The following FOXP2 variants were observed in gnomAD, a reference collection of about 807,000 sequenced individuals.
The protein encoded by FOXP2 is forkhead box P2.
FOXP2 carries 12 observed loss-of-function variants against 115.8 expected under a neutral mutation model. That is an observed-to-expected ratio of 0.10 (90% CI 0.07 to 0.17). The LOEUF is 0.17. FOXP2 is among the 10% of genes least tolerant of loss of function. The pLI is 1.00. For missense variants in FOXP2, 629 were observed against 843.5 expected, an observed-to-expected ratio of 0.75 and a Z score of 3.15; for synonymous variants, 328 against 297.7, an observed-to-expected ratio of 1.10 and a Z score of -1.05.
chr7:114,636,624 CTT>C lies in FOXP2; in HGVS notation c.775+4933_775+4934del, dbSNP rs34522461. Among the ~76,000 whole-genome samples the C allele has an allele frequency of 3.3e-3, 465 of 140,372 alleles. 1 individual carries two copies. The highest frequency in any genetic ancestry group is 6.6e-3 in the East Asian group (32 of 4,874). 92.1% of individuals were successfully genotyped at this position (140,372 alleles called of 152,430 possible). A position where few individuals can be genotyped will look rare whatever the true frequency, so the allele number is the denominator to read the frequency against. The stretch of plus-strand genomic sequence containing the variant: ...GAAAAAGAAATGACATTGAAAAAAT[CTT>C]TTTTTTTTTTTTTGAGTGTAAAAAA... On this transcript the variant is annotated intron_variant, in intron 6 of 16. Transcript: ENST00000350908.
chr7:114,229,721 A>G (rs1012170961), intron 1 of FOXP2, among the ~76,000 whole-genome samples: 1 of 151,730 alleles, frequency 6.6e-6, no homozygotes, highest in African/African-American at 2.4e-5. Context: ...CAACATGCCA[A>G]GACTTATGGA....
At chr7:114,688,846 A>G (rs1298995867) in intron 16 of FOXP2, among the ~76,000 whole-genome samples, 1 of 152,190 alleles carries the variant, frequency 6.6e-6, no homozygotes, top group Non-Finnish European at 1.5e-5. Context: ...GAAGTTGATT[A>G]ATGGCAAAGC....
chr7:114,520,161 C>A (rs563413940), intron 2 of FOXP2, among the ~76,000 whole-genome samples: 2 of 152,070 alleles, frequency 1.3e-5, no homozygotes, highest in Non-Finnish European at 2.9e-5. Flanking sequence ...TTGTCTCTTA[C>A]CTTACATAAA....
intron 2 of FOXP2, among the ~76,000 whole-genome samples, chr7:114,497,462 A>T (rs1460218614): frequency 6.6e-6 from 1 of 152,150 alleles, no homozygotes; most frequent in Non-Finnish European, 1.5e-5. Flanking sequence ...ATACTGGCCA[A>T]CATGGCAAAA....
At chr7:114,508,048 G>T (rs1797908918) in intron 2 of FOXP2, among the ~76,000 whole-genome samples, 1 of 151,938 alleles carries the variant, frequency 6.6e-6, no homozygotes, top group African/African-American at 2.4e-5. Flanking sequence ...ATGCAAAAAT[G>T]AATAAATAGG....
upstream of FOXP2, among the ~76,000 whole-genome samples, chr7:114,410,916 A>G (rs1793146543): frequency 6.6e-6 from 1 of 152,126 alleles, no homozygotes; most frequent in Non-Finnish European, 1.5e-5. Flanking sequence ...TCTATTAAGT[A>G]TTAGATTTAT....
chr7:114,550,665 CT>C (rs935718907), intron 3 of FOXP2, among the ~76,000 whole-genome samples: 1 of 152,060 alleles, frequency 6.6e-6, no homozygotes, highest in African/African-American at 2.4e-5. Flanking sequence ...TTTCTGGTTC[CT>C]TGAGGGCATC....
At chr7:114,358,896 C>T (rs1398859165) in intron 2 of FOXP2, among the ~76,000 whole-genome samples, 1 of 152,072 alleles carries the variant, frequency 6.6e-6, no homozygotes, top group Non-Finnish European at 1.5e-5. Context: ...ACATGTGCAG[C>T]CTAGTGATGC....
chr7:114,598,263 T>C (rs1802831490), intron 3 of FOXP2, among the ~76,000 whole-genome samples: 1 of 152,144 alleles, frequency 6.6e-6, no homozygotes, highest in Non-Finnish European at 1.5e-5. Flanking sequence ...CCACATTTTC[T>C]GTACTGGTAT....
At chr7:114,306,510 G>A (rs568727498) in intron 2 of FOXP2, among the ~76,000 whole-genome samples, 2 of 152,246 alleles carry the variant, frequency 1.3e-5, no homozygotes, top group South Asian at 4.1e-4. Flanking sequence ...GGTGAAAACT[G>A]CATAGAATCT....
intron 1 of FOXP2, among the ~76,000 whole-genome samples, chr7:114,145,342 C>T (rs1261779480): frequency 6.6e-6 from 1 of 152,050 alleles, no homozygotes; most frequent in Non-Finnish European, 1.5e-5. Flanking sequence ...GACCTTACAT[C>T]TTATTTTAAC....
At chr7:114,181,026 G>T (rs766054602) in intron 1 of FOXP2, among the ~76,000 whole-genome samples, 3 of 151,786 alleles carry the variant, frequency 2.0e-5, no homozygotes, top group Non-Finnish European at 2.9e-5. Context: ...GCAAAGTTTG[G>T]ATTGTGCCTG....
At chr7:114,648,800 A>T (rs1330537175) in intron 8 of FOXP2, among the ~76,000 whole-genome samples, 1 of 152,108 alleles carries the variant, frequency 6.6e-6, no homozygotes, top group Non-Finnish European at 1.5e-5. Flanking sequence ...AAAAATCAAT[A>T]TACCTATAAA....
chr7:114,380,448 C>T (rs112413496), intron 2 of FOXP2, among the ~76,000 whole-genome samples: 2,179 of 152,274 alleles, frequency 0.014, 30 homozygotes, highest in Non-Finnish European at 0.022. Flanking sequence ...CCCCACTTTT[C>T]GAAGTCCTTT....
At position 114,681,383 on chromosome 7, in the gene FOXP2, A is replaced by G. The variant is rs559495020; in HGVS notation, c.2004-8399A>G. Reference sequence around the variant, plus strand: ...TATTGCTACATCTCTTAACATTTTCATTATTTAGTCATATTAAGTTAATCT... The same window carrying G: ...TATTGCTACATCTCTTAACATTTTCGTTATTTAGTCATATTAAGTTAATCT... On this transcript the variant is annotated intron_variant, in intron 16 of 16. Transcript: ENST00000350908. 4.6e-5 allele frequency among the ~76,000 whole-genome samples: 7 copies of G among 152,256 alleles called. No homozygotes were observed. The East Asian group carries it at 1.3e-3, about 29-fold the overall frequency.
chr7:114,165,322 G>T (rs899614651), intron 1 of FOXP2, among the ~76,000 whole-genome samples: 3 of 152,104 alleles, frequency 2.0e-5, no homozygotes, highest in Non-Finnish European at 4.4e-5. Context: ...ATTGTGATTG[G>T]GAAGGAAGAA....
At position 114,154,780 on chromosome 7, in the gene FOXP2, A is replaced by T. The variant is rs188957696; in HGVS notation, c.-246-8164A>T. Among the ~76,000 whole-genome samples, 417 of 152,278 alleles carry T rather than the reference A, an allele frequency of 2.7e-3. 4 individuals are homozygous for T. The highest frequency in any genetic ancestry group is 9.7e-3 in the African/African-American group (403 of 41,572). On this transcript the variant is annotated intron_variant, in intron 1 of 19. Coordinates refer to the FOXP2 transcript ENST00000635638. ...TAGTGAGTAAATTTGGATTTCCAAA[A>T]GAAAAGACTGCTGGATTTAGGACAG...
At chr7:114,213,680 C>A (rs1464797966) in intron 1 of FOXP2, among the ~76,000 whole-genome samples, 2 of 152,222 alleles carry the variant, frequency 1.3e-5, no homozygotes, top group Non-Finnish European at 2.9e-5. Flanking sequence ...TTCAATATGA[C>A]CCAACTCTTA....
intron 1 of FOXP2, among the ~76,000 whole-genome samples, chr7:114,106,824 A>AT (rs1426589918): frequency 2.0e-5 from 3 of 151,842 alleles, no homozygotes; most frequent in Admixed American, 6.6e-5. Flanking sequence ...CCATTTTAAG[A>AT]TTGTCTCAGT....
Sources: gnomAD v4.1 joint callset for allele counts (sites outside exome capture counted in the v4.1 genomes callset) on GRCh38, gnomAD v4.1.1 for gene constraint, MANE v1.5 for transcripts, NCBI Gene and HGNC (gene_info 2026-07-23, HGNC 2026-07-21) for gene names.